The following NLRP2 variants were observed in gnomAD, a reference collection of about 807,000 sequenced individuals.
NLRP2 encodes the protein NACHT, LRR and PYD domains-containing protein 2.
NLRP2 carries 107 observed loss-of-function variants against 97.2 expected under a neutral mutation model. That is an observed-to-expected ratio of 1.10 (90% CI 0.94 to 1.29). The LOEUF is 1.29. Among genes scored for constraint, NLRP2 ranks in the 50% most tolerant of loss-of-function variants. NLRP2 has a pLI of 0.00. For synonymous variants in NLRP2, 663 were observed against 551.5 expected (o/e 1.20, Z -2.83); for missense variants, 1,495 against 1,330.3 (o/e 1.12, Z -1.93).
At position 55,000,913 on chromosome 19, in the gene NLRP2, T is replaced by G. The variant is rs887682202; in HGVS notation, c.*15T>G. 6.2e-7 allele frequency: 1 copy of G among 1,613,274 alleles called. No homozygotes were observed. ...TCATGATCTGAATCCCCCCGAGTCA[T>G]TCATTCTCCATGAAGTCATCGATTT... On this transcript the variant is annotated 3_prime_UTR_variant, in exon 13 of 13. Coordinates refer to ENST00000448584, the MANE Select transcript of NLRP2 (RefSeq NM_017852.5).
Position 54,982,601 on chromosome 19 carries a change from C to A in NLRP2, c.903C>A (p.Ile301=), listed in dbSNP as rs144397371. ...TGGGAGCCGCACCTGGGGCGCTGAT[C>A]GAGGACATCTGCGGGGACTGGGAGA... ...DELGAAPGAL[I]EDICGDWEKK... Residue 301 remains isoleucine (I), a synonymous_variant, in exon 6 of 13, where the codon ATC becomes ATA. Transcript: ENST00000448584. 2.7e-4 allele frequency: 430 copies of A among 1,613,994 alleles called. No homozygotes were observed. The highest frequency in any genetic ancestry group is 3.2e-4 in the Non-Finnish European group (378 of 1,180,022).
rs1468767428 is a variant in NLRP2, at chr19:54,983,038, T to C, written c.1340T>C (p.Leu447Pro). ...FPQGAQLRGA[L>P]RTLSLLAAQG... ...CAGGGCGCACAGCTGCGGGGCGCGCTGCGGACGCTGAGCCTCCTGGCCGCG... is the reference window on the plus strand; with the variant it reads ...CAGGGCGCACAGCTGCGGGGCGCGCCGCGGACGCTGAGCCTCCTGGCCGCG... Residue 447 changes from leucine (L) to proline (P), a missense_variant, in exon 6 of 13, where the codon CTG becomes CCG. Transcript: ENST00000448584. The C allele has an allele frequency of 3.7e-6, 6 of 1,610,888 alleles. No homozygotes were observed. The Middle Eastern group carries it at 5.6e-4, about 150-fold the overall frequency.
intron 12 of NLRP2, among the ~76,000 whole-genome samples, chr19:54,997,844 G>T (rs1047121326): frequency 8.7e-6 from 1 of 115,062 alleles, no homozygotes; most frequent in East Asian, 2.8e-4. Context: ...CTGCAGGCTC[G>T]CTCCAGCTCC....
intron 2 of NLRP2, chr19:54,974,002 G>A: frequency 7.9e-7 from 1 of 1,259,002 alleles, no homozygotes; most frequent in Non-Finnish European, 1.1e-6. Flanking sequence ...CTACAAAGAA[G>A]ATTGTGCTAA....
intron 2 of NLRP2, among the ~76,000 whole-genome samples, chr19:54,971,748 G>A (rs999341850): frequency 6.6e-5 from 10 of 151,750 alleles, no homozygotes; most frequent in Non-Finnish European, 4.4e-5. Context: ...ACATATCTGT[G>A]GATTTAACCA....
At chr19:54,966,682 A>G (rs2146312106) in intron 1 of NLRP2, among the ~76,000 whole-genome samples, 1 of 151,908 alleles carries the variant, frequency 6.6e-6, no homozygotes, top group Non-Finnish European at 1.5e-5. Flanking sequence ...AGTAGCTGAG[A>G]CTACAGGCAC....
intron 8 of NLRP2, among the ~76,000 whole-genome samples, chr19:54,987,628 G>A (rs2072181768): frequency 6.6e-6 from 1 of 152,000 alleles, no homozygotes; most frequent in African/African-American, 2.4e-5. Context: ...TGTAGTCCCA[G>A]CTACTCAGGA....
At chr19:54,981,306 T>C (rs983213791) in intron 4 of NLRP2, among the ~76,000 whole-genome samples, 5 of 152,168 alleles carry the variant, frequency 3.3e-5, no homozygotes, top group Admixed American at 3.3e-4. Flanking sequence ...GTAGCTGAGA[T>C]TACAGGCATG....
intron 12 of NLRP2, among the ~76,000 whole-genome samples, chr19:54,998,940 G>T: frequency 6.6e-6 from 1 of 151,754 alleles, no homozygotes; most frequent in Non-Finnish European, 1.5e-5. Flanking sequence ...AGAGAGCACG[G>T]GGTTGGGGGT....
At chr19:54,997,224 G>A (rs746763697) in intron 11 of NLRP2, 93 bp from the exon 12 acceptor site, 4 of 1,302,120 alleles carry the variant, frequency 3.1e-6, no homozygotes, top group Non-Finnish European at 3.3e-6. Context: ...TGTTGGTCAT[G>A]CAGATCCCCA....
chr19:54,989,980 C>CAA (rs35241109), intron 8 of NLRP2, 42 bp from the exon 9 acceptor site: 15,990 of 1,490,110 alleles, frequency 0.011, 2 homozygotes, highest in Non-Finnish European at 0.012. Context: ...GACTCAGTCT[C>CAA]AAAAAAAAAA....
intron 7 of NLRP2, among the ~76,000 whole-genome samples, chr19:54,985,718 G>A (rs531464065): frequency 3.9e-4 from 58 of 150,222 alleles, no homozygotes; most frequent in African/African-American, 1.4e-3. Flanking sequence ...AAAAAGGGCC[G>A]GGCACAATGG....
In NLRP2 at chr19:54,985,211, G is replaced by A. The variant is rs751065392; in HGVS notation, c.2195G>A (p.Arg732Lys). 2 of 1,613,808 alleles carry A rather than the reference G, an allele frequency of 1.2e-6. No individual in the cohort carries two copies. The highest frequency in any genetic ancestry group is 2.7e-5 in the African/African-American group (2 of 74,928). Reference sequence around the variant, plus strand: ...GCCTCTGACACCTGTCATCTCCAGAGAGTGGTGTAAGTAGAAACTAATTCA... The same window carrying A: ...GCCTCTGACACCTGTCATCTCCAGAAAGTGGTGTAAGTAGAAACTAATTCA... ...QIASDTCHLQ[R>K]VVFKNISPAD... Residue 732 changes from arginine to lysine, a missense_variant, in exon 7 of 13, where the codon AGA (arginine) becomes AAA (lysine). Arg to Lys is a conservative substitution (Grantham distance 26, BLOSUM62 2). Transcript: ENST00000448584.
At position 54,983,055 on chromosome 19, in the gene NLRP2, C is replaced by T; in HGVS notation, c.1357C>T (p.Leu453=). Residue 453 remains leucine (L), a synonymous_variant, in exon 6 of 13, where the codon CTG becomes TTG. Transcript: ENST00000448584. ...LRGALRTLSL[L]AAQGLWAQTS... is the part of the protein sequence containing the mutation. The stretch of plus-strand genomic sequence containing the variant: ...GGGCGCGCTGCGGACGCTGAGCCTC[C>T]TGGCCGCGCAGGGCCTGTGGGCGCA... 2 of 1,611,856 alleles carry T rather than the reference C, an allele frequency of 1.2e-6. No individual in the cohort carries two copies. Among genetic ancestry groups the T allele is most frequent in the Non-Finnish European group, 1.7e-6 (2 of 1,179,454 alleles).
intron 6 of NLRP2, among the ~76,000 whole-genome samples, chr19:54,984,329 G>GTGTTTTTTTTTTTGTT: frequency 2.5e-5 from 2 of 79,670 alleles, no homozygotes; most frequent in African/African-American, 9.3e-5. Context: ...TTTTTTTTGT[G>GTGTTTTTTTTTTTGTT]TTTTTTTTTT....
chr19:55,000,993 A>T lies in NLRP2; in HGVS notation c.*95A>T. ...CTCTCCTCCCCGGCCCCTACCCCTC[A>T]GGGATAATGAGTTCATTGCTGGGCT... On this transcript the variant is annotated 3_prime_UTR_variant, in exon 13 of 13. Transcript: ENST00000448584. 9.2e-7 allele frequency: 1 copy of T among 1,081,978 alleles called. No individual in the cohort carries two copies. Among genetic ancestry groups the T allele is most frequent in the Non-Finnish European group, 1.4e-6 (1 of 705,732 alleles). The allele number at this position is 1,081,978 out of a possible 1,614,324, so 67.0% of individuals were successfully genotyped here. A position where few individuals can be genotyped will look rare whatever the true frequency, so the allele number is the denominator to read the frequency against.
chr19:54,982,278 C>G lies in NLRP2; in HGVS notation c.580C>G (p.Pro194Ala). The change falls in exon 6 of 13, where the codon CCA becomes GCA. Residue 194 changes from proline to alanine, a missense_variant. Pro to Ala is a conservative substitution (Grantham distance 27, BLOSUM62 -1). Coordinates refer to ENST00000448584, the MANE Select transcript of NLRP2 (RefSeq NM_017852.5). ...VMAERYKMLI[P>A]FSNPRVLPGP... Reference sequence around the variant, plus strand: ...GGCTGAGAGATACAAGATGCTGATCCCATTCAGCAACCCCAGGGTGCTTCC... The same window carrying G: ...GGCTGAGAGATACAAGATGCTGATCGCATTCAGCAACCCCAGGGTGCTTCC... 6.2e-7 allele frequency: 1 copy of G among 1,614,026 alleles called. No homozygotes were observed. Among genetic ancestry groups the G allele is most frequent in the Non-Finnish European group, 8.5e-7 (1 of 1,179,982 alleles).
At chr19:54,998,296 G>A (rs1281920288) in intron 12 of NLRP2, among the ~76,000 whole-genome samples, 1 of 152,008 alleles carries the variant, frequency 6.6e-6, no homozygotes, top group Non-Finnish European at 1.5e-5. Flanking sequence ...GGGATTACAG[G>A]CATGAGCCAC....
intron 1 of NLRP2, among the ~76,000 whole-genome samples, chr19:54,968,700 C>A (rs955939256): frequency 0.027 from 234 of 8,592 alleles, 1 homozygote; most frequent in African/African-American, 0.15. Context: ...TATCTTTAAG[C>A]CTTTTTTTTT....
Sources: allele counts gnomAD v4.1 joint callset (sites outside exome capture counted in the v4.1 genomes callset), GRCh38; gene constraint gnomAD v4.1.1; transcripts MANE v1.5; gene names NCBI Gene and HGNC (gene_info 2026-07-23, HGNC 2026-07-21).